Variants in UST observed in about 807,000 individuals in gnomAD.
UST encodes the protein uronyl 2-sulfotransferase.
UST carries 21 observed loss-of-function variants against 45.6 expected under a neutral mutation model. That is an observed-to-expected ratio of 0.46 (90% CI 0.33 to 0.66). UST has a LOEUF of 0.66. UST is among the 30% of genes least tolerant of loss of function. The pLI is 0.02. For synonymous variants in UST, 215 were observed against 200.6 expected (o/e 1.07, Z -0.61); for missense variants, 463 against 512.4 (o/e 0.90, Z 0.93).
intron 7 of UST, among the ~76,000 whole-genome samples, chr6:149,033,639 G>T (rs374403572): frequency 2.0e-5 from 3 of 152,248 alleles, no homozygotes; most frequent in East Asian, 1.9e-4. Flanking sequence ...AGAAGAGAGG[G>T]TTGTTTGTCA....
chr6:149,005,643 A>G, intron 5 of UST: 1 of 978,090 alleles, frequency 1.0e-6, no homozygotes, highest in Non-Finnish European at 1.2e-6. Flanking sequence ...ATTAGACCTC[A>G]TTTCTTAAAG....
At chr6:149,066,741 C>T (rs993773557) in intron 7 of UST, among the ~76,000 whole-genome samples, 3 of 152,150 alleles carry the variant, frequency 2.0e-5, no homozygotes, top group African/African-American at 7.2e-5. Context: ...AATGAACTTA[C>T]AATAGGCAGA....
intron 1 of UST, among the ~76,000 whole-genome samples, chr6:148,763,685 A>T (rs1241615998): frequency 6.6e-6 from 1 of 152,142 alleles, no homozygotes; most frequent in African/African-American, 2.4e-5. Context: ...ATGGTAAGAA[A>T]AGGGGTCCAG....
intron 1 of UST, among the ~76,000 whole-genome samples, chr6:148,852,111 G>A (rs1406169125): frequency 2.6e-5 from 4 of 152,196 alleles, no homozygotes; most frequent in Non-Finnish European, 4.4e-5. Context: ...CAGAAAAGGC[G>A]TTTTTACCTG....
chr6:149,026,970 C>T (rs1379361286), intron 7 of UST, among the ~76,000 whole-genome samples: 1 of 151,990 alleles, frequency 6.6e-6, no homozygotes, highest in Non-Finnish European at 1.5e-5. Context: ...TAAATCCTAA[C>T]TTTGAGGATT....
At chr6:148,955,519 G>A (rs1780474921) in intron 4 of UST, 1 of 152,276 alleles carries the variant, frequency 6.6e-6, no homozygotes, top group African/African-American at 2.4e-5. Flanking sequence ...CCAGGGCCAG[G>A]TGCTGGGCAG....
intron 1 of UST, among the ~76,000 whole-genome samples, chr6:148,765,189 C>T (rs1159879025): frequency 6.6e-6 from 1 of 152,190 alleles, no homozygotes; most frequent in Non-Finnish European, 1.5e-5. Context: ...TCAAACACCA[C>T]TTATTGTTTC....
intron 2 of UST, among the ~76,000 whole-genome samples, chr6:148,931,129 A>G (rs2114910335): frequency 6.6e-6 from 1 of 152,388 alleles, no homozygotes; most frequent in South Asian, 2.1e-4. Flanking sequence ...TCCAGAGAAG[A>G]TCATTCTAAA....
chr6:149,024,322 T>A (rs1319480122), intron 7 of UST, among the ~76,000 whole-genome samples: 1 of 152,228 alleles, frequency 6.6e-6, no homozygotes, highest in Non-Finnish European at 1.5e-5. Flanking sequence ...GAGCTGGTTG[T>A]CAAATACTTT....
chr6:148,825,891 TC>T (rs1777559472), intron 1 of UST, among the ~76,000 whole-genome samples: 1 of 152,100 alleles, frequency 6.6e-6, no homozygotes, highest in Non-Finnish European at 1.5e-5. Context: ...GGGAAATACC[TC>T]CCTCATTTGA....
At chr6:148,919,019 G>T (rs1397265112) in intron 2 of UST, among the ~76,000 whole-genome samples, 3 of 152,064 alleles carry the variant, frequency 2.0e-5, no homozygotes, top group African/African-American at 7.3e-5. Flanking sequence ...TCTTTGCATG[G>T]CTGTTGCTGT....
At chr6:149,005,852 G>A (rs1214280350) in intron 5 of UST, among the ~76,000 whole-genome samples, 1 of 152,226 alleles carries the variant, frequency 6.6e-6, no homozygotes, top group Non-Finnish European at 1.5e-5. Context: ...GCCCTCAAGA[G>A]ACTGGGGAAA....
intron 2 of UST, among the ~76,000 whole-genome samples, chr6:148,908,575 G>A (rs140446900): frequency 0.013 from 1,941 of 152,192 alleles, 35 homozygotes; most frequent in African/African-American, 0.044. Flanking sequence ...CCATTTAATT[G>A]TAATACAGGG....
chr6:148,830,684 G>A (rs756479671), intron 1 of UST, among the ~76,000 whole-genome samples: 9 of 152,202 alleles, frequency 5.9e-5, no homozygotes, highest in Admixed American at 2.0e-4. Flanking sequence ...AAGAAATTAC[G>A]CTAAGTGAAA....
In UST at chr6:148,775,907, C is replaced by T. The variant is rs944139464; in HGVS notation, c.247+28230C>T. 2.6e-5 allele frequency among the ~76,000 whole-genome samples: 4 copies of T among 152,196 alleles called. No individual in the cohort carries two copies. The East Asian group carries it at 5.8e-4, about 22-fold the overall frequency. ...TCAGCCTCCCAAAGTGCTGGGATTACGGGTGTGAGCCACTGCGCCCGGCCT... is the reference window on the plus strand; with the variant it reads ...TCAGCCTCCCAAAGTGCTGGGATTATGGGTGTGAGCCACTGCGCCCGGCCT... On this transcript the variant is annotated intron_variant, in intron 1 of 7. Transcript: ENST00000367463.
chr6:149,064,289 A>G (rs1776700116), intron 7 of UST, among the ~76,000 whole-genome samples: 4 of 152,260 alleles, frequency 2.6e-5, no homozygotes, highest in Admixed American at 2.0e-4. Context: ...CCCACACCCA[A>G]CTTCGGGCTT....
At chr6:148,954,054 G>T in intron 4 of UST, 103 bp downstream of exon 4, 1 of 834,848 alleles carries the variant, frequency 1.2e-6, no homozygotes, top group South Asian at 2.3e-5. Context: ...CCCTTGAAAA[G>T]ACATTTTTAA....
chr6:148,912,779 T>G (rs1779501012), intron 2 of UST, among the ~76,000 whole-genome samples: 1 of 152,194 alleles, frequency 6.6e-6, no homozygotes. Flanking sequence ...CAAACTCTCT[T>G]TGGAGAATAA....
At chr6:148,907,270 A>G (rs1306209260) in intron 2 of UST, among the ~76,000 whole-genome samples, 1 of 152,222 alleles carries the variant, frequency 6.6e-6, no homozygotes, top group Non-Finnish European at 1.5e-5. Context: ...AAAGTACTGC[A>G]TTTAAGATAA....
Sources: allele counts gnomAD v4.1 joint callset (sites outside exome capture counted in the v4.1 genomes callset), GRCh38; gene constraint gnomAD v4.1.1; transcripts MANE v1.5; gene names NCBI Gene and HGNC (gene_info 2026-07-23, HGNC 2026-07-21).